Variants in ADD3 observed in about 807,000 individuals in gnomAD.
ADD3 encodes gamma-adducin.
In ADD3, 25 loss-of-function variants were observed where a neutral mutation model predicts 80.2. That is an observed-to-expected ratio of 0.31 (90% CI 0.23 to 0.44). The LOEUF (loss-of-function observed/expected upper bound fraction) is 0.44, where lower values mean the gene tolerates loss of function less well. Among genes scored for constraint, ADD3 ranks in the 20% least tolerant of loss-of-function variants. The probability of loss-of-function intolerance (pLI) is 1.00; values close to 1 mark genes in which losing one functional copy is unlikely to be tolerated. For missense variants in ADD3, 829 were observed against 847.5 expected (o/e 0.98, Z 0.27); for synonymous variants, 284 against 289.6 (o/e 0.98, Z 0.20).
intron 1 of ADD3, among the ~76,000 whole-genome samples, chr10:110,011,062 T>G (rs1019140445): frequency 2.6e-5 from 4 of 151,696 alleles, no homozygotes; most frequent in Non-Finnish European, 4.4e-5. Context: ...GCTATCTTTC[T>G]AATTACTAAA....
chr10:110,119,576 T>C lies in ADD3; in HGVS notation c.960+12T>C. ...CCTGTGAGATTCAGGTAGGAAACATTATTCCCCTTTTTTAATTGCTTTGTT... is the reference window on the plus strand; with the variant it reads ...CCTGTGAGATTCAGGTAGGAAACATCATTCCCCTTTTTTAATTGCTTTGTT... On this transcript the variant is annotated intron_variant, in intron 8 of 14. Coordinates refer to ENST00000356080, the MANE Select transcript of ADD3 (RefSeq NM_016824.5). 6.3e-7 allele frequency: 1 copy of C among 1,599,322 alleles called. No individual in the cohort carries two copies. Among genetic ancestry groups the C allele is most frequent in the Non-Finnish European group, 8.6e-7 (1 of 1,169,018 alleles).
intron 1 of ADD3, among the ~76,000 whole-genome samples, chr10:110,059,703 A>G (rs1032934945): frequency 1.3e-5 from 2 of 152,190 alleles, no homozygotes; most frequent in Admixed American, 6.5e-5. Flanking sequence ...CAGGAGGCGG[A>G]GGTTGCAGTG....
At chr10:110,113,222 A>G (rs1237658613) in intron 3 of ADD3, among the ~76,000 whole-genome samples, 4 of 152,124 alleles carry the variant, frequency 2.6e-5, no homozygotes, top group African/African-American at 9.7e-5. Flanking sequence ...AGACCAGCCT[A>G]GCAAACAAAG....
At chr10:110,008,558 C>G (rs962802094) in intron 1 of ADD3, among the ~76,000 whole-genome samples, 1 of 152,070 alleles carries the variant, frequency 6.6e-6, no homozygotes, top group Non-Finnish European at 1.5e-5. Flanking sequence ...TGGCGGTGCA[C>G]GGCCTGCGGC....
Position 110,134,002 on chromosome 10 carries a change from A to AT in ADD3, c.*390dup, listed in dbSNP as rs1318308900. The AT allele has an allele frequency of 6.5e-6, 1 of 154,868 alleles. No individual in the cohort carries two copies. The highest frequency in any genetic ancestry group is 2.4e-5 in the African/African-American group (1 of 41,516). 9.6% of individuals were successfully genotyped at this position (154,868 alleles called of 1,614,324 possible). The stretch of plus-strand genomic sequence containing the variant: ...TGCTTCACTTGATAATCATATTATA[A>AT]TTTTTTATCATGATTATTGACTATA... On this transcript the variant is annotated 3_prime_UTR_variant, in exon 15 of 15. Coordinates refer to ENST00000356080, the MANE Select transcript of ADD3 (RefSeq NM_016824.5).
At chr10:110,065,539 C>CCTTTTTTTTTTTTTTTTTTTTTTTTT (rs1843806502) in intron 1 of ADD3, among the ~76,000 whole-genome samples, 7 of 31,186 alleles carry the variant, frequency 2.2e-4, no homozygotes, top group African/African-American at 4.8e-4. Flanking sequence ...TCTCTCTCCC[C>CCTTTTTTTTTTTTTTTTTTTTTTTTT]TTTTTTTTTT....
intron 1 of ADD3, among the ~76,000 whole-genome samples, chr10:110,072,728 A>G (rs1160613160): frequency 6.6e-6 from 1 of 152,204 alleles, no homozygotes; most frequent in Non-Finnish European, 1.5e-5. Context: ...CATTTTTATC[A>G]AGGAGTTATC....
chr10:110,036,819 C>T, intron 1 of ADD3, among the ~76,000 whole-genome samples: 1 of 152,032 alleles, frequency 6.6e-6, no homozygotes, highest in Non-Finnish European at 1.5e-5. Flanking sequence ...CAGGTCATTC[C>T]CCAGCAGTAG....
At chr10:109,998,084 G>C (rs952549631) in intron 1 of ADD3, among the ~76,000 whole-genome samples, 9 of 152,042 alleles carry the variant, frequency 5.9e-5, no homozygotes, top group African/African-American at 2.2e-4. Flanking sequence ...GATTCCTATG[G>C]GGAGGAAATT....
intron 5 of ADD3, among the ~76,000 whole-genome samples, chr10:110,117,866 A>C (rs573483964): frequency 6.6e-6 from 1 of 152,202 alleles, no homozygotes; most frequent in African/African-American, 2.4e-5. Flanking sequence ...ATAACAAAAA[A>C]TTAGCTGGGC....
At chr10:110,102,998 A>G (rs1848998346) in intron 2 of ADD3, among the ~76,000 whole-genome samples, 2 of 152,224 alleles carry the variant, frequency 1.3e-5, no homozygotes, top group African/African-American at 2.4e-5. Flanking sequence ...CTTAACGAGA[A>G]TGATCACTTT....
chr10:110,071,297 T>G lies in ADD3; in HGVS notation c.-29-29328T>G, dbSNP rs963609684. On this transcript the variant is annotated intron_variant, in intron 1 of 14. Transcript: ENST00000356080. ...TTAACAAATTGCAGGGGAGAGGGTT[T>G]CAGTCCAACAAAATAAAAAGGCTCT... Among the ~76,000 whole-genome samples the G allele has an allele frequency of 2.2e-4, 33 of 152,290 alleles. 1 individual carries two copies. The highest frequency in any genetic ancestry group is 6.2e-4 in the South Asian group (3 of 4,816).
intron 2 of ADD3, among the ~76,000 whole-genome samples, chr10:110,108,471 A>G (rs1849630407): frequency 6.6e-6 from 1 of 152,172 alleles, no homozygotes; most frequent in South Asian, 2.1e-4. Context: ...GGCATTGCCT[A>G]TCTCAGGACT....
At chr10:110,006,030 CTGT>C (rs1250152935), upstream of ADD3, 3 of 240,902 alleles carry the variant, frequency 1.2e-5, no homozygotes, top group Non-Finnish European at 2.5e-5. Flanking sequence ...GCTGCTGCTG[CTGT>C]TGGTCTGAGG....
intron 2 of ADD3, among the ~76,000 whole-genome samples, chr10:110,109,166 AC>A (rs1294337934): frequency 6.6e-6 from 1 of 151,674 alleles, no homozygotes; most frequent in Non-Finnish European, 1.5e-5. Context: ...TTCTCATCCC[AC>A]CCAGCAGAAA....
chr10:110,026,206 A>G (rs184188289), intron 1 of ADD3, among the ~76,000 whole-genome samples: 77 of 151,564 alleles, frequency 5.1e-4, no homozygotes, highest in Middle Eastern at 3.4e-3. Context: ...AAACAGTTCC[A>G]CCCCTCCAAT....
At chr10:110,029,917 C>CT (rs1294974838) in intron 1 of ADD3, among the ~76,000 whole-genome samples, 2 of 152,090 alleles carry the variant, frequency 1.3e-5, no homozygotes, top group Admixed American at 6.5e-5. Flanking sequence ...CAGACTCGTA[C>CT]TTTATTTACT....
chr10:110,119,149 G>C, intron 6 of ADD3, 62 bp from the exon 7 acceptor site: 2 of 1,577,058 alleles, frequency 1.3e-6, no homozygotes, highest in African/African-American at 2.7e-5. Flanking sequence ...AAACAATCAG[G>C]TTCCTATGAA....
chr10:110,009,088 A>G (rs1852012728), intron 1 of ADD3, among the ~76,000 whole-genome samples: 1 of 152,186 alleles, frequency 6.6e-6, no homozygotes, highest in Admixed American at 6.5e-5. Context: ...GCAGAGATTT[A>G]ATTGCAAGTA....
Sources: gnomAD v4.1 joint callset for allele counts (sites outside exome capture counted in the v4.1 genomes callset) on GRCh38, gnomAD v4.1.1 for gene constraint, MANE v1.5 for transcripts, NCBI Gene and HGNC (gene_info 2026-07-23, HGNC 2026-07-21) for gene names.